The following ADAMTS15 variants were observed in gnomAD, a reference collection of about 807,000 sequenced individuals.
The protein encoded by ADAMTS15 is ADAM metallopeptidase with thrombospondin type 1 motif 15.
Under a neutral mutation model 79.1 loss-of-function variants are expected in ADAMTS15, and 35 were observed. The ratio of observed to expected loss-of-function variants is 0.44; its 90% CI spans 0.34 to 0.59. ADAMTS15 has a LOEUF of 0.59. Among genes scored for constraint, ADAMTS15 ranks in the 20% least tolerant of loss-of-function variants. The pLI is 0.02. For missense variants in ADAMTS15, 1,324 were observed against 1,318.7 expected, an observed-to-expected ratio of 1.00 and a Z score of -0.06; for synonymous variants, 616 against 567.3, an observed-to-expected ratio of 1.09 and a Z score of -1.22.
rs1314826461 is a variant in ADAMTS15 at position 130,460,136 on chromosome 11, T to C, written c.958-1353T>C. Among the ~76,000 whole-genome samples, 5 of 152,186 alleles carry C rather than the reference T, an allele frequency of 3.3e-5. No homozygotes were observed. The East Asian group carries it at 9.6e-4, about 29-fold the overall frequency. On this transcript the variant is annotated intron_variant, in intron 1 of 7. Transcript: ENST00000299164. ...CACCTCTGACACATAGATACAATAA[T>C]ATGTCTGCATCATAAGCCTATTGTG...
rs1938486938 is a variant in ADAMTS15, at chr11:130,472,910, T to A, written c.2079-137T>A. The A allele has an allele frequency of 7.6e-7, 1 of 1,311,374 alleles. No individual in the cohort carries two copies. Among genetic ancestry groups the A allele is most frequent in the East Asian group, 2.3e-5 (1 of 43,116 alleles). 81.2% of individuals were successfully genotyped at this position (1,311,374 alleles called of 1,614,324 possible). Reference sequence around the variant, plus strand: ...AATCGCCAAGGGGCAGGGACCTCTCTGACTCCAAAACCTGTGCTTTTACTC... The same window carrying A: ...AATCGCCAAGGGGCAGGGACCTCTCAGACTCCAAAACCTGTGCTTTTACTC... On this transcript the variant is annotated intron_variant, in intron 7 of 7. Coordinates refer to ENST00000299164, the MANE Select transcript of ADAMTS15 (RefSeq NM_139055.4). This position sits in a 1 kb window ranked among gnomAD's most constrained non-coding sequence, Gnocchi z 4.7.
At chr11:130,461,938 T>C (rs1227219850) in intron 2 of ADAMTS15, 149 bp from the exon 3 acceptor site, 9 of 959,940 alleles carry the variant, frequency 9.4e-6, no homozygotes, top group Non-Finnish European at 1.2e-5. Flanking sequence ...AACATGATCT[T>C]GAGGACATTT....
chr11:130,470,517 C>T (rs1938428384), intron 5 of ADAMTS15, among the ~76,000 whole-genome samples: 1 of 151,954 alleles, frequency 6.6e-6, no homozygotes, highest in Admixed American at 6.6e-5. Flanking sequence ...GTGTCCAGCA[C>T]TGAATCATAT....
intron 2 of ADAMTS15, 58 bp downstream of exon 2, chr11:130,461,679 G>A: frequency 6.2e-7 from 1 of 1,603,472 alleles, no homozygotes; most frequent in Non-Finnish European, 8.5e-7. Context: ...AGCCTGGAGG[G>A]TGGGAGACGT....
At position 130,449,288 on chromosome 11, in the gene ADAMTS15, G is replaced by C. The variant is rs143228441; in HGVS notation, c.315G>C (p.Gly105=). Residue 105 remains glycine (G), a synonymous_variant, in exon 1 of 8, where the codon GGG becomes GGC. Coordinates refer to ENST00000299164, the MANE Select transcript of ADAMTS15 (RefSeq NM_139055.4). This position sits in a 1 kb window ranked among gnomAD's most constrained non-coding sequence, Gnocchi z 7.8. ...SSDLRRCFYS[G]DVNAEPDSFA... is the part of the protein sequence containing the mutation. The stretch of plus-strand genomic sequence containing the variant: ...ACCTGCGACGCTGCTTCTATTCTGG[G>C]GACGTGAACGCCGAGCCGGACTCGT... The C allele has an allele frequency of 8.1e-6, 13 of 1,611,830 alleles. No individual in the cohort carries two copies. The highest frequency in any genetic ancestry group is 8.5e-7 in the Non-Finnish European group (1 of 1,180,030).
chr11:130,450,906 G>A (rs1457817812), intron 1 of ADAMTS15, among the ~76,000 whole-genome samples: 1 of 152,204 alleles, frequency 6.6e-6, no homozygotes, highest in Non-Finnish European at 1.5e-5. Flanking sequence ...CAGCTGTAGA[G>A]TTAGAAGGAA....
Position 130,449,771 on chromosome 11 carries a change from G to T in ADAMTS15, c.798G>T (p.Val266=). The T allele has an allele frequency of 1.2e-6, 2 of 1,612,626 alleles. No individual in the cohort carries two copies. Among genetic ancestry groups the T allele is most frequent in the Non-Finnish European group, 1.7e-6 (2 of 1,180,044 alleles). Residue 266 remains valine, a synonymous_variant, in exon 1 of 8, where the codon GTG becomes GTT. Transcript: ENST00000299164. The surrounding 1 kb of genome is among the most constrained non-coding windows in gnomAD (Gnocchi z 7.8). ...TCCTCAACCCCATCAACATCGTTGTGGTCAAGGTGCTGCTTCTTAGAGATC... is the reference window on the plus strand; with the variant it reads ...TCCTCAACCCCATCAACATCGTTGTTGTCAAGGTGCTGCTTCTTAGAGATC... The part of the protein sequence containing the change: ...PSILNPINIV[V]VKVLLLRDRD...
chr11:130,451,175 T>C (rs1446604622), intron 1 of ADAMTS15, among the ~76,000 whole-genome samples: 1 of 56,852 alleles, frequency 1.8e-5, no homozygotes, highest in Non-Finnish European at 3.5e-5. Flanking sequence ...GCCATGCTCT[T>C]TTTTTTGGTT....
rs73571218 is a variant in ADAMTS15, at chr11:130,454,734, C to G, written c.957+4804C>G. 4.5e-3 allele frequency among the ~76,000 whole-genome samples: 692 copies of G among 152,224 alleles called. 11 individuals are homozygous for G. Among genetic ancestry groups the G allele is most frequent in the African/African-American group, 0.016 (649 of 41,544 alleles). Reference sequence around the variant, plus strand: ...GGAGTGCAATATGTTGGTTCCCTGTCGTGCAGGATGAGTGCTCGCTCTCTT... The same window carrying G: ...GGAGTGCAATATGTTGGTTCCCTGTGGTGCAGGATGAGTGCTCGCTCTCTT... On this transcript the variant is annotated intron_variant, in intron 1 of 7. Transcript: ENST00000299164.
chr11:130,463,852 C>T (rs1592147619), intron 4 of ADAMTS15, among the ~76,000 whole-genome samples: 1 of 152,082 alleles, frequency 6.6e-6, no homozygotes, highest in Non-Finnish European at 1.5e-5. Flanking sequence ...ATACAAGACA[C>T]AGAGAGGCAC....
intron 4 of ADAMTS15, among the ~76,000 whole-genome samples, chr11:130,469,025 G>A (rs575272461): frequency 2.9e-4 from 44 of 151,008 alleles, no homozygotes; most frequent in Non-Finnish European, 5.7e-4. Context: ...TCTTTTGCAC[G>A]GCCTCCTTTG....
rs771407946 is a variant in ADAMTS15 at position 130,449,795 on chromosome 11, T to A, written c.822T>A (p.Asp274Glu). ...IVVVKVLLLR[D>E]RDSGPKVTGN... ...TGGTCAAGGTGCTGCTTCTTAGAGA[T>A]CGTGACTCCGGGCCCAAGGTCACCG... is the stretch of plus-strand genomic sequence containing the variant. Residue 274 changes from aspartate to glutamate, a missense_variant, in exon 1 of 8, where the codon GAT becomes GAA. Coordinates refer to ENST00000299164, the MANE Select transcript of ADAMTS15 (RefSeq NM_139055.4). The surrounding 1 kb of genome is among the most constrained non-coding windows in gnomAD (Gnocchi z 7.8). The A allele has an allele frequency of 5.6e-6, 9 of 1,611,952 alleles. No homozygotes were observed. The highest frequency in any genetic ancestry group is 7.6e-6 in the Non-Finnish European group (9 of 1,180,006).
chr11:130,448,863 T>C lies in ADAMTS15; in HGVS notation c.-111T>C. 3.7e-6 allele frequency: 3 copies of C among 801,228 alleles called. No homozygotes were observed. The highest frequency in any genetic ancestry group is 5.2e-6 in the Non-Finnish European group (3 of 574,960). The allele number at this position is 801,228 out of a possible 1,614,324, so 49.6% of individuals were successfully genotyped here. ...GCTCTCCTTTCTGGGAACTGCCGGC[T>C]GTCCCGTAGCGTTGGCGGTTCCAGA... On this transcript the variant is annotated 5_prime_UTR_variant, in exon 1 of 8. Transcript: ENST00000299164.
At position 130,473,215 on chromosome 11, in the gene ADAMTS15, C is replaced by G; in HGVS notation, c.2247C>G (p.Asp749Glu). 6.2e-7 allele frequency: 1 copy of G among 1,613,908 alleles called. No homozygotes were observed. The highest frequency in any genetic ancestry group is 8.5e-7 in the Non-Finnish European group (1 of 1,180,040). The change falls in exon 8 of 8, where the codon GAC becomes GAG. Residue 749 changes from aspartate to glutamate, a missense_variant. By Grantham distance (45) the Asp-to-Glu change is conservative. Coordinates refer to ENST00000299164, the MANE Select transcript of ADAMTS15 (RefSeq NM_139055.4). Reference sequence around the variant, plus strand: ...TCGTGGTGTCGGCGGTGGAGCGGGACCTGGTGGTGAAGGGCAGTCTGCTGC... The same window carrying G: ...TCGTGGTGTCGGCGGTGGAGCGGGAGCTGGTGGTGAAGGGCAGTCTGCTGC... ...GHFVVSAVER[D>E]LVVKGSLLRY...
chr11:130,456,216 C>CAGTCAGT (rs936844044), intron 1 of ADAMTS15, among the ~76,000 whole-genome samples: 3 of 152,170 alleles, frequency 2.0e-5, no homozygotes, highest in Non-Finnish European at 4.4e-5. Context: ...ACACAGTAGC[C>CAGTCAGT]AGTCAGTAAC....
Position 130,471,324 on chromosome 11 carries a change from G to T in ADAMTS15, c.2019G>T (p.Gly673=), listed in dbSNP as rs1565398665. The T allele has an allele frequency of 1.6e-5, 26 of 1,612,588 alleles. No homozygotes were observed. Among genetic ancestry groups the T allele is most frequent in the Non-Finnish European group, 2.1e-5 (25 of 1,179,726 alleles). Residue 673 remains glycine, a synonymous_variant, in exon 7 of 8, where the codon GGG becomes GGT. Coordinates refer to ENST00000299164, the MANE Select transcript of ADAMTS15 (RefSeq NM_139055.4). ...LGSKKRFDKC[G]VCGGDNKSCK... is the part of the protein sequence containing the mutation. Reference sequence around the variant, plus strand: ...CCAAGAAGAGATTCGACAAGTGTGGGGTGTGTGGGGGAGACAATAAGAGCT... The same window carrying T: ...CCAAGAAGAGATTCGACAAGTGTGGTGTGTGTGGGGGAGACAATAAGAGCT...
chr11:130,460,122 CAT>C (rs1938169242), intron 1 of ADAMTS15, among the ~76,000 whole-genome samples: 1 of 152,188 alleles, frequency 6.6e-6, no homozygotes, highest in East Asian at 1.9e-4. Context: ...ACCTCTGACA[CAT>C]AGATACAATA....
chr11:130,449,701 T>G lies in ADAMTS15; in HGVS notation c.728T>G (p.Leu243Arg). 6.2e-7 allele frequency: 1 copy of G among 1,610,224 alleles called. No individual in the cohort carries two copies. The highest frequency in any genetic ancestry group is 8.5e-7 in the Non-Finnish European group (1 of 1,178,374). The change falls in exon 1 of 8, where the codon CTG becomes CGG. Residue 243 changes from leucine to arginine, a missense_variant. By Grantham distance (102) the Leu-to-Arg change is moderately radical (BLOSUM62 -2). Transcript: ENST00000299164. This position sits in a 1 kb window ranked among gnomAD's most constrained non-coding sequence, Gnocchi z 7.8. ...GGCGCGGACCTGGAACATTATCTGC[T>G]GACGCTGCTGGCAACGGCGGCGCGA... Reference protein sequence around the residue: ...FHGADLEHYLLTLLATAARLY... With the variant: ...FHGADLEHYLRTLLATAARLY...
In ADAMTS15 at chr11:130,473,170, G is replaced by C. The variant is rs1263796324; in HGVS notation, c.2202G>C (p.Lys734Asn). Reference protein sequence around the residue: ...NYLALKNSQGKYLLNGHFVVS... With the variant: ...NYLALKNSQGNYLLNGHFVVS... ...TGGCTCTGAAGAACAGCCAAGGCAA[G>C]TACCTGCTCAACGGGCATTTCGTGG... The change falls in exon 8 of 8, where the codon AAG becomes AAC. Residue 734 changes from lysine to asparagine, a missense_variant. Physicochemically the swap from Lys to Asn is moderately conservative, Grantham distance 94 (BLOSUM62 0). Coordinates refer to ENST00000299164, the MANE Select transcript of ADAMTS15 (RefSeq NM_139055.4). 1 of 1,614,122 alleles carries C rather than the reference G, an allele frequency of 6.2e-7. No individual in the cohort carries two copies. Among genetic ancestry groups the C allele is most frequent in the South Asian group, 1.1e-5 (1 of 91,078 alleles).
Sources: gnomAD v4.1 joint callset for allele counts (sites outside exome capture counted in the v4.1 genomes callset) on GRCh38, gnomAD v4.1.1 for gene constraint, Gnocchi (gnomAD v3.1) non-coding constraint, MANE v1.5 for transcripts, NCBI Gene and HGNC (gene_info 2026-07-23, HGNC 2026-07-21) for gene names.